The following SDK1 variants were observed in gnomAD, a reference collection of about 807,000 sequenced individuals.
SDK1 encodes protein sidekick-1.
SDK1 carries 157 observed loss-of-function variants against 245.5 expected under a neutral mutation model. The observed-to-expected ratio is 0.64, with a 90% CI of 0.56 to 0.73. SDK1 has a LOEUF of 0.73. Ranked by LOEUF, SDK1 falls within the 30% of genes least tolerant of loss-of-function variation. The pLI, the probability that SDK1 is intolerant of heterozygous loss-of-function variation, is 0.00. For synonymous variants in SDK1, 1,647 were observed against 1,278.5 expected (o/e 1.29, Z -6.15); for missense variants, 3,583 against 3,002.3 (o/e 1.19, Z -4.52).
chr7:4,125,976 C>T (rs748986025), intron 25 of SDK1, among the ~76,000 whole-genome samples: 4 of 152,220 alleles, frequency 2.6e-5, no homozygotes, highest in African/African-American at 4.8e-5. Context: ...CCCTGGGTAT[C>T]CTGGAGACCA....
intron 17 of SDK1, among the ~76,000 whole-genome samples, chr7:4,033,027 G>A (rs1206045521): frequency 6.6e-6 from 1 of 152,182 alleles, no homozygotes; most frequent in East Asian, 1.9e-4. Flanking sequence ...TGAAATAAAA[G>A]TAATGAGGGT....
chr7:3,978,214 A>G lies in SDK1; in HGVS notation c.1994+3669A>G, dbSNP rs546308322. ...GATCATCCATCGTTGGTATCAAATAAATAAGCGTTAGCAGTTCATAAAGAC... is the reference window on the plus strand; with the variant it reads ...GATCATCCATCGTTGGTATCAAATAGATAAGCGTTAGCAGTTCATAAAGAC... On this transcript the variant is annotated intron_variant, in intron 13 of 44. Transcript: ENST00000404826. 7.9e-5 allele frequency among the ~76,000 whole-genome samples: 12 copies of G among 152,290 alleles called. No homozygotes were observed. In the South Asian group the frequency reaches 2.5e-3, roughly 32 times the overall value.
chr7:4,197,581 G>A (rs919642702), intron 35 of SDK1, among the ~76,000 whole-genome samples: 8 of 152,204 alleles, frequency 5.3e-5, no homozygotes, highest in African/African-American at 7.2e-5. Flanking sequence ...GGCTGGGCTC[G>A]TGTGAGGCTG....
At chr7:3,338,138 A>C (rs967899921) in intron 1 of SDK1, 1 of 210,870 alleles carries the variant, frequency 4.7e-6, no homozygotes, top group African/African-American at 2.3e-5. Context: ...GATGAACGAC[A>C]AAGAGAAAAG....
At chr7:4,021,856 A>G (rs1204937381) in intron 17 of SDK1, among the ~76,000 whole-genome samples, 3 of 152,212 alleles carry the variant, frequency 2.0e-5, no homozygotes, top group Admixed American at 6.5e-5. Context: ...CTCACTTTCT[A>G]AGTGAGATGA....
rs113533711 is a variant in SDK1, at chr7:4,086,197, C to T, written c.3324+6613C>T. ...CATGTGTGCACTTGTCCTTTCTTCTCACACCTGCACAGGTCTGCCCGGTGT... is the reference window on the plus strand; with the variant it reads ...CATGTGTGCACTTGTCCTTTCTTCTTACACCTGCACAGGTCTGCCCGGTGT... On this transcript the variant is annotated intron_variant, in intron 22 of 44. Coordinates refer to ENST00000404826, the MANE Select transcript of SDK1 (RefSeq NM_152744.4). Among the ~76,000 whole-genome samples the T allele has an allele frequency of 1.3e-3, 194 of 152,298 alleles. 2 individuals are homozygous for T. Among genetic ancestry groups the T allele is most frequent in the African/African-American group, 4.5e-3 (185 of 41,550 alleles).
intron 1 of SDK1, among the ~76,000 whole-genome samples, chr7:3,386,702 G>A (rs777286227): frequency 6.6e-6 from 1 of 152,172 alleles, no homozygotes; most frequent in Non-Finnish European, 1.5e-5. Flanking sequence ...AGCTTCTGTA[G>A]GTAGGGAGTG....
At chr7:3,770,360 A>C (rs1002859989) in intron 4 of SDK1, among the ~76,000 whole-genome samples, 4 of 152,144 alleles carry the variant, frequency 2.6e-5, no homozygotes, top group African/African-American at 9.7e-5. Context: ...TTCGCCATTC[A>C]CCTATTGAAG....
intron 2 of SDK1, among the ~76,000 whole-genome samples, chr7:3,626,103 C>G (rs1333847888): frequency 1.3e-5 from 2 of 150,840 alleles, no homozygotes; most frequent in Admixed American, 1.3e-4. Context: ...GCCACCACAA[C>G]TAGCTATTTT....
At chr7:3,321,840 TC>T (rs1779822655) in intron 1 of SDK1, among the ~76,000 whole-genome samples, 2 of 118,814 alleles carry the variant, frequency 1.7e-5, no homozygotes, top group African/African-American at 7.1e-5. Flanking sequence ...TCCTTTTCTC[TC>T]TCTCTCTCTC....
intron 1 of SDK1, among the ~76,000 whole-genome samples, chr7:3,430,284 A>G (rs1298166220): frequency 6.6e-6 from 1 of 151,626 alleles, no homozygotes; most frequent in Non-Finnish European, 1.5e-5. Flanking sequence ...AATGTTCTTA[A>G]TTTTTTTTTG....
intron 1 of SDK1, among the ~76,000 whole-genome samples, chr7:3,373,428 A>G (rs1258276562): frequency 1.3e-5 from 2 of 152,236 alleles, no homozygotes; most frequent in Non-Finnish European, 2.9e-5. Context: ...GTCTCAATAG[A>G]TGTTAGGGAG....
At chr7:4,181,923 T>A (rs1056287295) in intron 35 of SDK1, among the ~76,000 whole-genome samples, 1 of 152,106 alleles carries the variant, frequency 6.6e-6, no homozygotes, top group Non-Finnish European at 1.5e-5. Context: ...TTATGCATCT[T>A]TTTTTTCTTT....
intron 4 of SDK1, among the ~76,000 whole-genome samples, chr7:3,782,352 C>G (rs1299491926): frequency 6.6e-6 from 1 of 152,244 alleles, no homozygotes; most frequent in Non-Finnish European, 1.5e-5. Context: ...CATGAGGGAT[C>G]TGTCCCCATG....
At chr7:3,683,105 T>C (rs1412165034) in intron 4 of SDK1, among the ~76,000 whole-genome samples, 2 of 152,214 alleles carry the variant, frequency 1.3e-5, no homozygotes, top group African/African-American at 4.8e-5. Flanking sequence ...GCAAGGCATT[T>C]ACGCTGAGTG....
chr7:3,969,021 C>T (rs1023308018), intron 10 of SDK1, among the ~76,000 whole-genome samples: 2 of 152,128 alleles, frequency 1.3e-5, no homozygotes, highest in African/African-American at 4.8e-5. Context: ...CAGTTTTAAA[C>T]CATCAGATCT....
intron 18 of SDK1, among the ~76,000 whole-genome samples, chr7:4,050,433 A>T (rs1046052878): frequency 3.3e-5 from 5 of 152,212 alleles, no homozygotes; most frequent in Non-Finnish European, 7.3e-5. Flanking sequence ...TCTCCTGTCG[A>T]GTCTCGTTGG....
rs545774667 is a variant in SDK1, at chr7:3,848,108, C to G, written c.847+26525C>G. Among the ~76,000 whole-genome samples the G allele has an allele frequency of 2.6e-5, 4 of 152,308 alleles. 1 individual carries two copies. Among genetic ancestry groups the G allele is most frequent in the African/African-American group, 9.6e-5 (4 of 41,570 alleles). ...TGACCATAAACTTAAAAAACAAATTCCATCTCGAGCTGTTATGATGATAGT... is the reference window on the plus strand; with the variant it reads ...TGACCATAAACTTAAAAAACAAATTGCATCTCGAGCTGTTATGATGATAGT... On this transcript the variant is annotated intron_variant, in intron 5 of 44. Coordinates refer to ENST00000404826, the MANE Select transcript of SDK1 (RefSeq NM_152744.4).
rs763431841 is a variant in SDK1 at position 3,639,110 on chromosome 7, T to C, written c.565T>C (p.Tyr189His). 6.3e-7 allele frequency: 1 copy of C among 1,580,434 alleles called. No individual in the cohort carries two copies. Among genetic ancestry groups the C allele is most frequent in the East Asian group, 2.2e-5 (1 of 44,536 alleles). ...LQRKSEVQVA[Y>H]MGSFMDTDQR... The stretch of plus-strand genomic sequence containing the variant: ...AAGAAAATCAGAAGTTCAAGTCGCA[T>C]GTATGTGTACAGTAAGGAGATGTCC... Residue 189 changes from tyrosine (Y) to histidine (H), a missense_variant and splice_region_variant, in exon 3 of 45, where the codon TAT becomes CAT. Physicochemically the swap from Tyr to His is moderately conservative, Grantham distance 83. Coordinates refer to ENST00000404826, the MANE Select transcript of SDK1 (RefSeq NM_152744.4).
Sources: gnomAD v4.1 joint callset for allele counts (sites outside exome capture counted in the v4.1 genomes callset) on GRCh38, gnomAD v4.1.1 for gene constraint, MANE v1.5 for transcripts, NCBI Gene and HGNC (gene_info 2026-07-23, HGNC 2026-07-21) for gene names.